Variants in STK32B observed in about 807,000 individuals in gnomAD.
STK32B encodes serine/threonine kinase 32B.
Under a neutral mutation model 52.6 loss-of-function variants are expected in STK32B, and 43 were observed. The observed-to-expected ratio is 0.82, with a 90% CI of 0.64 to 1.05. The LOEUF is 1.05. Among genes scored for constraint, STK32B ranks in the 50% least tolerant of loss-of-function variants. The probability of loss-of-function intolerance (pLI) is 0.00; values close to 1 mark genes in which losing one functional copy is unlikely to be tolerated. For missense variants in STK32B, 621 were observed against 534.6 expected, an observed-to-expected ratio of 1.16 and a Z score of -1.59; for synonymous variants, 238 against 204.3, an observed-to-expected ratio of 1.17 and a Z score of -1.41.
chr4:5,154,406 C>T (rs888746705), intron 2 of STK32B, among the ~76,000 whole-genome samples: 2 of 151,892 alleles, frequency 1.3e-5, no homozygotes, highest in Admixed American at 1.3e-4. Flanking sequence ...GTAGAGATGG[C>T]GTTTCACCAT....
chr4:5,245,476 G>T (rs907682586), intron 3 of STK32B, among the ~76,000 whole-genome samples: 4 of 152,176 alleles, frequency 2.6e-5, no homozygotes, highest in Admixed American at 2.6e-4. Context: ...GTGAGCACGT[G>T]AGATGGGTTT....
At chr4:5,486,751 C>A (rs186035046) in intron 11 of STK32B, among the ~76,000 whole-genome samples, 2 of 152,224 alleles carry the variant, frequency 1.3e-5, no homozygotes, top group African/African-American at 4.8e-5. Context: ...GCTCCACCCC[C>A]CTAAAATGTT....
chr4:5,225,391 AG>A (rs1258425335), intron 3 of STK32B, among the ~76,000 whole-genome samples: 1 of 152,212 alleles, frequency 6.6e-6, no homozygotes, highest in African/African-American at 2.4e-5. Context: ...TGGGTGACAG[AG>A]TAAGACTCCG....
At position 5,201,554 on chromosome 4, in the gene STK32B, C is replaced by T. The variant is rs143520786; in HGVS notation, c.260+33104C>T. ...AGCAGAAAAAGGAAGCAAAGTGCTC[C>T]GGTTCAGGACATGTATTAGTTTGTT... On this transcript the variant is annotated intron_variant, in intron 3 of 11. Coordinates refer to ENST00000282908, the MANE Select transcript of STK32B (RefSeq NM_018401.3). Among the ~76,000 whole-genome samples, 714 of 152,244 alleles carry T rather than the reference C, an allele frequency of 4.7e-3. 3 individuals are homozygous for T. Among genetic ancestry groups the T allele is most frequent in the Non-Finnish European group, 8.5e-3 (580 of 68,022 alleles).
At chr4:5,284,557 C>G (rs2108875084) in intron 3 of STK32B, among the ~76,000 whole-genome samples, 1 of 152,216 alleles carries the variant, frequency 6.6e-6, no homozygotes, top group Non-Finnish European at 1.5e-5. Context: ...CACACAAACC[C>G]TTACAGACCG....
At position 5,395,452 on chromosome 4, in the gene STK32B, C is replaced by T. The variant is rs1736825532; in HGVS notation, c.435-2755C>T. Among the ~76,000 whole-genome samples the T allele has an allele frequency of 6.6e-6, 1 of 152,234 alleles. No individual in the cohort carries two copies. ...AGATGTCAACCCAATGTCACCACTT[C>T]TTAAAGGTCTTCCTGACCATCTACC... On this transcript the variant is annotated intron_variant, in intron 4 of 11. Coordinates refer to ENST00000282908, the MANE Select transcript of STK32B (RefSeq NM_018401.3). This position sits in a 1 kb window ranked among gnomAD's most constrained non-coding sequence, Gnocchi z 4.4.
chr4:5,209,075 C>T (rs536540316), intron 3 of STK32B, among the ~76,000 whole-genome samples: 1 of 152,336 alleles, frequency 6.6e-6, no homozygotes, highest in East Asian at 1.9e-4. Context: ...GAGCTTCCAT[C>T]CCAGCTGCCT....
At chr4:5,165,707 C>T (rs1718816866) in intron 2 of STK32B, among the ~76,000 whole-genome samples, 1 of 152,174 alleles carries the variant, frequency 6.6e-6, no homozygotes, top group South Asian at 2.1e-4. Flanking sequence ...TGCTTGGATT[C>T]CCACAAAGCC....
chr4:5,466,651 A>G (rs1013520335), intron 9 of STK32B, 52 bp from the exon 10 acceptor site: 3 of 1,548,950 alleles, frequency 1.9e-6, no homozygotes, highest in African/African-American at 2.8e-5. Flanking sequence ...AAGAAAATTC[A>G]GTGATGGGTG....
At position 5,265,889 on chromosome 4, in the gene STK32B, A is replaced by C. The variant is rs550121248; in HGVS notation, c.261-65331A>C. Among the ~76,000 whole-genome samples the C allele has an allele frequency of 9.4e-4, 143 of 152,294 alleles. 1 individual carries two copies. Among genetic ancestry groups the C allele is most frequent in the African/African-American group, 3.3e-3 (138 of 41,566 alleles). ...ACATAATATTCCATAATTTGGATGT[A>C]CTAAAATGTATTTACTCACTGTCCT... On this transcript the variant is annotated intron_variant, in intron 3 of 11. Transcript: ENST00000282908.
intron 1 of STK32B, among the ~76,000 whole-genome samples, chr4:5,053,094 A>G (rs1741854076): frequency 6.6e-6 from 1 of 152,226 alleles, no homozygotes. Flanking sequence ...AGTGCTACTC[A>G]GATGCCTGCC....
At chr4:5,248,142 T>A (rs982380173) in intron 3 of STK32B, among the ~76,000 whole-genome samples, 6 of 152,202 alleles carry the variant, frequency 3.9e-5, no homozygotes, top group Admixed American at 3.9e-4. Context: ...GGTCCTAGTG[T>A]TCCCATTTTA....
chr4:5,433,164 G>C (rs1176009123), intron 6 of STK32B, among the ~76,000 whole-genome samples: 1 of 99,290 alleles, frequency 1.0e-5, no homozygotes, highest in African/African-American at 3.8e-5. Context: ...AAGGACCAGA[G>C]TAGAGGATAG....
chr4:5,153,509 G>GAAA (rs573243021), intron 2 of STK32B, among the ~76,000 whole-genome samples: 1 of 147,342 alleles, frequency 6.8e-6, no homozygotes, highest in African/African-American at 2.5e-5. Flanking sequence ...TTCATTGGTG[G>GAAA]AAAAAAAAAG....
intron 3 of STK32B, among the ~76,000 whole-genome samples, chr4:5,181,406 G>GC (rs1720354157): frequency 6.6e-6 from 1 of 150,928 alleles, no homozygotes; most frequent in South Asian, 2.1e-4. Flanking sequence ...AGTTGCCTCT[G>GC]CTGGCACCCT....
At chr4:5,070,552 G>C (rs1218489075) in intron 1 of STK32B, among the ~76,000 whole-genome samples, 5 of 152,142 alleles carry the variant, frequency 3.3e-5, no homozygotes, top group African/African-American at 1.2e-4. Context: ...CCCAAACTCT[G>C]ATTACTTTGG....
At chr4:5,228,641 T>C (rs905826674) in intron 3 of STK32B, among the ~76,000 whole-genome samples, 4 of 152,180 alleles carry the variant, frequency 2.6e-5, no homozygotes, top group Admixed American at 6.5e-5. Flanking sequence ...ATAAAGAGAA[T>C]CACAATAATT....
At chr4:5,170,422 TA>T (rs1428979758) in intron 3 of STK32B, among the ~76,000 whole-genome samples, 1 of 152,198 alleles carries the variant, frequency 6.6e-6, no homozygotes, top group East Asian at 1.9e-4. Context: ...ACTCGTCATT[TA>T]ACATTAGGTA....
rs115633106 is a variant in STK32B, at chr4:5,104,863, T to C, written c.53-35042T>C. Among the ~76,000 whole-genome samples the C allele has an allele frequency of 6.9e-3, 1,044 of 152,376 alleles. 12 individuals carry two copies. The highest frequency in any genetic ancestry group is 0.024 in the African/African-American group (1,004 of 41,584). ...TGTAGCTTTAGTTTGTTTATTTCCA[T>C]TGGAGTTATGTTCCATTGTAGGACT... On this transcript the variant is annotated intron_variant, in intron 1 of 11. Transcript: ENST00000282908.
Sources: gnomAD v4.1 joint callset for allele counts (sites outside exome capture counted in the v4.1 genomes callset) on GRCh38, gnomAD v4.1.1 for gene constraint, Gnocchi (gnomAD v3.1) non-coding constraint, MANE v1.5 for transcripts, NCBI Gene and HGNC (gene_info 2026-07-23, HGNC 2026-07-21) for gene names.